Variants in BAZ1A observed in about 807,000 individuals in gnomAD.
The protein encoded by BAZ1A is bromodomain adjacent to zinc finger domain protein 1A.
A neutral mutation model predicts 185.2 loss-of-function variants in BAZ1A; 50 were observed. That is an observed-to-expected ratio of 0.27 (90% CI 0.22 to 0.34). The LOEUF (loss-of-function observed/expected upper bound fraction) is 0.34. Ranked by LOEUF, BAZ1A falls within the 10% of genes least tolerant of loss-of-function variation. BAZ1A has a pLI of 1.00. For synonymous variants in BAZ1A, 571 were observed against 615.6 expected (o/e 0.93, Z 1.07); for missense variants, 1,356 against 1,839.9 (o/e 0.74, Z 4.81).
intron 7 of BAZ1A, 49 bp downstream of exon 7, chr14:34,802,805 A>G: frequency 6.4e-7 from 1 of 1,556,996 alleles, no homozygotes; most frequent in South Asian, 1.1e-5. Flanking sequence ...GATTCTGAAT[A>G]CTGTTTTACT....
At chr14:34,765,336 G>C (rs1299469377) in intron 21 of BAZ1A, 68 bp from the exon 22 acceptor site, 3 of 1,551,222 alleles carry the variant, frequency 1.9e-6, no homozygotes, top group African/African-American at 2.7e-5. Context: ...GAAATAGTTT[G>C]TTGGTAGTTT....
At chr14:34,839,645 C>T (rs2042382456) in intron 3 of BAZ1A, among the ~76,000 whole-genome samples, 1 of 150,304 alleles carries the variant, frequency 6.7e-6, no homozygotes, top group African/African-American at 2.4e-5. Context: ...AGATCTAGAC[C>T]ATCCTGGCTA....
chr14:34,849,769 T>G (rs1424942388), intron 3 of BAZ1A, among the ~76,000 whole-genome samples: 1 of 152,198 alleles, frequency 6.6e-6, no homozygotes, highest in Non-Finnish European at 1.5e-5. Context: ...AACTGCTGCT[T>G]ATTCCAGCTT....
At chr14:34,847,080 A>C (rs541944685) in intron 3 of BAZ1A, among the ~76,000 whole-genome samples, 4 of 152,134 alleles carry the variant, frequency 2.6e-5, no homozygotes, top group Non-Finnish European at 4.4e-5. Flanking sequence ...GTGAAACCCC[A>C]TCTCTACTAA....
At chr14:34,869,659 G>A (rs901696546) in intron 2 of BAZ1A, among the ~76,000 whole-genome samples, 1 of 152,130 alleles carries the variant, frequency 6.6e-6, no homozygotes, top group African/African-American at 2.4e-5. Context: ...CAATCAGGAT[G>A]ACCCAACTAT....
chr14:34,801,161 T>C lies in BAZ1A; in HGVS notation c.894A>G (p.Ala298=), dbSNP rs1408329102. ...EDNVANKQTL[A]SYRSKATKER... ...CTTTAGTAGCTTTGCTCCTATAACT[T>C]GCAAGAGTCTGTTTATTAGCAACAT... Residue 298 remains alanine, a synonymous_variant, in exon 8 of 27, where the codon GCA becomes GCG. Transcript: ENST00000360310. 1 of 1,607,526 alleles carries C rather than the reference T, an allele frequency of 6.2e-7. No homozygotes were observed. Among genetic ancestry groups the C allele is most frequent in the African/African-American group, 1.3e-5 (1 of 74,472 alleles).
rs1177510616 is a variant in BAZ1A, at chr14:34,765,183, A to G, written c.3387T>C (p.Val1129=). The G allele has an allele frequency of 6.2e-7, 1 of 1,613,992 alleles. No individual in the cohort carries two copies. Among genetic ancestry groups the G allele is most frequent in the African/African-American group, 1.3e-5 (1 of 74,902 alleles). ...SLLSSASLSQ[V]FLHLSTLDRS... ...GATCCAAGGTGGATAGGTGAAGAAA[A>G]ACTTGGGATAGACTAGCAGAAGAAA... Residue 1129 remains valine (V), a synonymous_variant, in exon 22 of 27, where the codon GTT becomes GTC. Transcript: ENST00000360310.
intron 2 of BAZ1A, among the ~76,000 whole-genome samples, chr14:34,866,214 T>A (rs1594917167): frequency 6.6e-6 from 1 of 151,968 alleles, no homozygotes; most frequent in East Asian, 1.9e-4. Flanking sequence ...TCAGGCACGG[T>A]GGCTCACATC....
At chr14:34,772,007 T>C (rs1295733898) in intron 20 of BAZ1A, among the ~76,000 whole-genome samples, 1 of 152,046 alleles carries the variant, frequency 6.6e-6, no homozygotes, top group Non-Finnish European at 1.5e-5. Context: ...CAGGCTGGAG[T>C]GCAGTGGTGC....
chr14:34,795,063 A>T (rs773664165), intron 10 of BAZ1A, among the ~76,000 whole-genome samples, 176 bp from the exon 11 acceptor site: 3 of 152,236 alleles, frequency 2.0e-5, no homozygotes, highest in Non-Finnish European at 4.4e-5. Flanking sequence ...AGATGTCCTG[A>T]ACTTGTTCCA....
In BAZ1A at chr14:34,764,763, C is replaced by G. The variant is rs760501421; in HGVS notation, c.3720G>C (p.Glu1240Asp). 6.2e-7 allele frequency: 1 copy of G among 1,608,590 alleles called. No homozygotes were observed. Residue 1240 changes from glutamate to aspartate, a missense_variant, in exon 23 of 27, where the codon GAG (glutamate) becomes GAC (aspartate). This residue lies in a region of BAZ1A where 309 missense variants were observed against 355.3 expected (regional missense o/e 0.87). Transcript: ENST00000360310. ...DGDEEEGQSE[E>D]EEYEVEQDED... is the part of the protein sequence containing the mutation. ...CATCTTGTTCTACCTCATACTCTTC[C>G]TCCTCACTTTGACCTTCTTCTTCAT...
intron 3 of BAZ1A, among the ~76,000 whole-genome samples, chr14:34,831,836 C>G (rs887387531): frequency 1.4e-4 from 22 of 152,084 alleles, no homozygotes; most frequent in African/African-American, 5.3e-4. Flanking sequence ...AAAAAAGACT[C>G]AAATTACTAA....
chr14:34,860,518 TAAAAAAA>T (rs397852116), intron 3 of BAZ1A, among the ~76,000 whole-genome samples: 1 of 70,608 alleles, frequency 1.4e-5, no homozygotes, highest in Non-Finnish European at 2.5e-5. Context: ...TACCAAAAGT[TAAAAAAA>T]AAAAAAAAAA....
intron 3 of BAZ1A, among the ~76,000 whole-genome samples, chr14:34,831,250 C>T (rs2042238294): frequency 1.3e-5 from 2 of 152,174 alleles, no homozygotes; most frequent in Admixed American, 1.3e-4. Context: ...AATAGAGCTG[C>T]CATGTTCTCC....
chr14:34,821,794 G>A (rs536780827), intron 4 of BAZ1A, among the ~76,000 whole-genome samples: 2 of 152,232 alleles, frequency 1.3e-5, no homozygotes, highest in African/African-American at 4.8e-5. Flanking sequence ...CGACCAGCCT[G>A]ACCAACATGG....
At position 34,874,861 on chromosome 14, in the gene BAZ1A, C is replaced by G; in HGVS notation, c.-58-199G>C. ...CGCCGCCGCCCCTGCCCCCCGAGCGCGCCCTACCTCCTCTCGTCCTGCCGC... is the reference window on the plus strand; with the variant it reads ...CGCCGCCGCCCCTGCCCCCCGAGCGGGCCCTACCTCCTCTCGTCCTGCCGC... On this transcript the variant is annotated intron_variant, in intron 1 of 26. Coordinates refer to ENST00000360310, the MANE Select transcript of BAZ1A (RefSeq NM_013448.3). The surrounding 1 kb of genome is among the most constrained non-coding windows in gnomAD (Gnocchi z 4.7). 5.2e-6 allele frequency: 2 copies of G among 382,914 alleles called. No individual in the cohort carries two copies. Among genetic ancestry groups the G allele is most frequent in the South Asian group, 3.7e-5 (1 of 26,850 alleles). 23.7% of individuals were successfully genotyped at this position (382,914 alleles called of 1,614,324 possible).
chr14:34,867,172 T>A (rs1439790451), intron 2 of BAZ1A, among the ~76,000 whole-genome samples: 1 of 151,806 alleles, frequency 6.6e-6, no homozygotes, highest in African/African-American at 2.4e-5. Flanking sequence ...GGCAGGAAAA[T>A]CACCTGAACC....
intron 2 of BAZ1A, among the ~76,000 whole-genome samples, chr14:34,863,686 C>T (rs2042808614): frequency 6.6e-6 from 1 of 152,076 alleles, no homozygotes; most frequent in Admixed American, 6.6e-5. Flanking sequence ...AAACATGAAT[C>T]AATGAATACA....
chr14:34,872,496 T>A lies in BAZ1A; in HGVS notation c.113+1996A>T, dbSNP rs567529926. Among the ~76,000 whole-genome samples, 7 of 39,012 alleles carry A rather than the reference T, an allele frequency of 1.8e-4. No homozygotes were observed. In the South Asian group the frequency reaches 2.3e-3, roughly 13 times the overall value. 25.6% of individuals were successfully genotyped at this position (39,012 alleles called of 152,430 possible). On this transcript the variant is annotated intron_variant, in intron 2 of 26. Transcript: ENST00000360310. ...CAATCCCACACTCAGGAGGCTAAGG[T>A]GGTAAGGTGGGGGGGGATTGTTTGA...
Sources: gnomAD v4.1 joint callset for allele counts (sites outside exome capture counted in the v4.1 genomes callset) on GRCh38, gnomAD v4.1.1 for gene constraint, gnomAD v4.1.1 regional missense constraint, Gnocchi (gnomAD v3.1) non-coding constraint, MANE v1.5 for transcripts, NCBI Gene and HGNC (gene_info 2026-07-23, HGNC 2026-07-21) for gene names.